The following LARP7 variants were observed in gnomAD, a reference collection of about 807,000 sequenced individuals.
LARP7 encodes the protein la-related protein 7.
A neutral mutation model predicts 69.3 loss-of-function variants in LARP7; 52 were observed. The observed-to-expected ratio is 0.75, with a 90% confidence interval of 0.60 to 0.95. LARP7 has a LOEUF of 0.95. Ranked by LOEUF, LARP7 falls within the 40% of genes least tolerant of loss-of-function variation. The pLI is 0.00. For synonymous variants in LARP7, 254 were observed against 215.9 expected (o/e 1.18, Z -1.55); for missense variants, 733 against 673.0 (o/e 1.09, Z -0.99).
chr4:112,646,312 G>A, intron 2 of LARP7, 39 bp from the exon 3 acceptor site: 1 of 1,026,844 alleles, frequency 9.7e-7, no homozygotes, highest in Non-Finnish European at 1.5e-6. Flanking sequence ...AATTAATCCT[G>A]CTGATACACT....
At chr4:112,642,295 TATTA>T (rs1330253904) in intron 1 of LARP7, among the ~76,000 whole-genome samples, 1 of 152,200 alleles carries the variant, frequency 6.6e-6, no homozygotes, top group Non-Finnish European at 1.5e-5. Flanking sequence ...GTTTTTCTAT[TATTA>T]ATTCTGACCT....
In LARP7 at chr4:112,650,555, G is replaced by T. The variant is rs376555622; in HGVS notation, c.1389G>T (p.Glu463Asp). 8.7e-6 allele frequency: 14 copies of T among 1,613,608 alleles called. No homozygotes were observed. The highest frequency in any genetic ancestry group is 1.1e-5 in the Non-Finnish European group (13 of 1,179,682). Residue 463 changes from glutamate (E) to aspartate (D), a missense_variant, in exon 10 of 13, where the codon GAG becomes GAT. Glu to Asp is a conservative substitution (Grantham distance 45). Transcript: ENST00000344442. ...TGATTGTGAAGATCATTAGCACAGA[G>T]CCTCTACCTGGCAGGAAACAAGTCC... ...SGVIVKIIST[E>D]PLPGRKQVRD...
At chr4:112,645,802 G>A (rs2048181127) in intron 2 of LARP7, 2 of 343,626 alleles carry the variant, frequency 5.8e-6, no homozygotes, top group Admixed American at 4.1e-5. Context: ...GAAGCATTGA[G>A]CCACCATCCC....
intron 12 of LARP7, among the ~76,000 whole-genome samples, chr4:112,655,018 A>G (rs1046384638): frequency 3.3e-5 from 5 of 151,674 alleles, no homozygotes; most frequent in African/African-American, 2.4e-5. Context: ...AAAAAAAAAA[A>G]CTAACTTAAA....
chr4:112,643,798 G>A (rs1215827400), intron 1 of LARP7, among the ~76,000 whole-genome samples: 1 of 152,006 alleles, frequency 6.6e-6, no homozygotes, highest in Non-Finnish European at 1.5e-5. Context: ...CTTGCAGTAA[G>A]CTGAGATCAT....
rs1203287763 is a variant in LARP7, at chr4:112,647,285, A to G, written c.733A>G (p.Asn245Asp). The stretch of plus-strand genomic sequence containing the variant: ...CAAAGAAGAAAACATGGACACAAGC[A>G]ACACCAGCATCAGTAAAATGAAAAG... ...QAKEENMDTSNTSISKMKRSR... is the reference protein window; with the variant it reads ...QAKEENMDTSDTSISKMKRSR... Residue 245 changes from asparagine (N) to aspartate (D), a missense_variant, in exon 7 of 13, where the codon AAC becomes GAC. Asn to Asp is a conservative substitution (Grantham distance 23). Coordinates refer to ENST00000344442, the MANE Select transcript of LARP7 (RefSeq NM_016648.4). The G allele has an allele frequency of 1.9e-6, 3 of 1,613,870 alleles. No individual in the cohort carries two copies. Among genetic ancestry groups the G allele is most frequent in the Non-Finnish European group, 2.5e-6 (3 of 1,180,028 alleles).
intron 10 of LARP7, among the ~76,000 whole-genome samples, chr4:112,651,124 T>C (rs1483991832): frequency 9.9e-5 from 15 of 152,204 alleles, no homozygotes; most frequent in Admixed American, 9.8e-4. Context: ...CCATATCTTA[T>C]TTACCCTTAC....
At chr4:112,644,945 CTTT>C (rs58234206) in intron 2 of LARP7, 74 bp downstream of exon 2, 212 of 168,012 alleles carry the variant, frequency 1.3e-3, no homozygotes, top group Non-Finnish European at 1.6e-3. Context: ...ATAATATATT[CTTT>C]TTTTTTTTTT....
At chr4:112,646,242 T>TTAC in intron 2 of LARP7, 109 bp from the exon 3 acceptor site, 1 of 561,922 alleles carries the variant, frequency 1.8e-6, no homozygotes, top group Non-Finnish European at 3.2e-6. Flanking sequence ...AGTACTAGGA[T>TTAC]TACAGGCATG....
intron 12 of LARP7, among the ~76,000 whole-genome samples, chr4:112,656,503 C>T (rs2048961573): frequency 6.6e-6 from 1 of 152,160 alleles, no homozygotes; most frequent in African/African-American, 2.4e-5. Context: ...AGGGATGTCT[C>T]CTATTCATTT....
chr4:112,654,169 T>A lies in LARP7; in HGVS notation c.1668+10T>A. On this transcript the variant is annotated intron_variant, in intron 12 of 12. Coordinates refer to ENST00000344442, the MANE Select transcript of LARP7 (RefSeq NM_016648.4). ...AAGAGGCACTGAAAAGGTAATTGATTCATTTTTGTTTTTTTAGACTAAACT... is the reference window on the plus strand; with the variant it reads ...AAGAGGCACTGAAAAGGTAATTGATACATTTTTGTTTTTTTAGACTAAACT... The A allele has an allele frequency of 1.9e-6, 3 of 1,606,886 alleles. No individual in the cohort carries two copies. The highest frequency in any genetic ancestry group is 2.6e-6 in the Non-Finnish European group (3 of 1,173,808).
intron 1 of LARP7, among the ~76,000 whole-genome samples, chr4:112,643,194 A>G (rs2149253644): frequency 6.6e-6 from 1 of 152,382 alleles, no homozygotes; most frequent in Middle Eastern, 3.4e-3. Context: ...TAGTGGTGAT[A>G]GTAATGTTAG....
rs781544374 is a variant in LARP7, at chr4:112,647,723, C to T, written c.1031C>T (p.Thr344Ile). The change falls in exon 8 of 13, where the codon ACT becomes ATT. Residue 344 changes from threonine to isoleucine, a missense_variant. Transcript: ENST00000344442. Reference sequence around the variant, plus strand: ...ATCTCTACTGAAGAGGAAAAGGATACTGGAGATCTAAAAGATAGCTCTCTC... The same window carrying T: ...ATCTCTACTGAAGAGGAAAAGGATATTGGAGATCTAAAAGATAGCTCTCTC... ...IEISTEEEKD[T>I]GDLKDSSLLK... 3 of 1,553,302 alleles carry T rather than the reference C, an allele frequency of 1.9e-6. No homozygotes were observed. The highest frequency in any genetic ancestry group is 2.0e-5 in the Admixed American group (1 of 50,226).
At chr4:112,649,778 A>T in intron 9 of LARP7, 92 bp downstream of exon 9, 6 of 817,500 alleles carry the variant, frequency 7.3e-6, no homozygotes, top group Non-Finnish European at 7.0e-6. Context: ...TTTAATTTTA[A>T]AAAACTTGAT....
rs143048376 is a variant in LARP7, at chr4:112,655,882, C to G, written c.1669-1365C>G. Among the ~76,000 whole-genome samples, 299 of 152,124 alleles carry G rather than the reference C, an allele frequency of 2.0e-3. 1 individual carries two copies. Among genetic ancestry groups the G allele is most frequent in the African/African-American group, 7.1e-3 (294 of 41,490 alleles). On this transcript the variant is annotated intron_variant, in intron 12 of 12. Coordinates refer to ENST00000344442, the MANE Select transcript of LARP7 (RefSeq NM_016648.4). The stretch of plus-strand genomic sequence containing the variant: ...TTTTCAGGCAGAAGCAAAGAAAATG[C>G]AGAGACCGGAAGGGAAGACTGTCAG...
At chr4:112,650,687 T>C (rs2048688387) in intron 10 of LARP7, 105 bp downstream of exon 10, 2 of 1,254,072 alleles carry the variant, frequency 1.6e-6, no homozygotes, top group Non-Finnish European at 2.2e-6. Flanking sequence ...AGTTAGAATT[T>C]GTTTCCCTAT....
chr4:112,657,103 T>C, intron 12 of LARP7, 144 bp from the exon 13 acceptor site: 1 of 430,348 alleles, frequency 2.3e-6, no homozygotes, highest in Admixed American at 4.3e-5. Flanking sequence ...TCATTTGTCA[T>C]CTTCTCGCTG....
At chr4:112,652,534 G>A (rs2048793132) in intron 10 of LARP7, among the ~76,000 whole-genome samples, 1 of 151,848 alleles carries the variant, frequency 6.6e-6, no homozygotes, top group Admixed American at 6.6e-5. Flanking sequence ...GGTTACTTAG[G>A]TATTTTTTTC....
At chr4:112,656,448 G>A (rs962883152) in intron 12 of LARP7, among the ~76,000 whole-genome samples, 1 of 152,062 alleles carries the variant, frequency 6.6e-6, no homozygotes, top group Non-Finnish European at 1.5e-5. Flanking sequence ...TTAAATTAGT[G>A]ATGTATCACA....
Sources: allele counts gnomAD v4.1 joint callset (sites outside exome capture counted in the v4.1 genomes callset), GRCh38; gene constraint gnomAD v4.1.1; transcripts MANE v1.5; gene names NCBI Gene and HGNC (gene_info 2026-07-23, HGNC 2026-07-21).